Variants in WDR72 observed in about 807,000 individuals in gnomAD.
WDR72 encodes the protein WD repeat domain 72, also known as WD repeat-containing protein 72.
In WDR72, 120 loss-of-function variants were observed where a neutral mutation model predicts 124.2. That is an observed-to-expected ratio of 0.97 (90% CI 0.83 to 1.12). WDR72 has a LOEUF of 1.12. Among genes scored for constraint, WDR72 ranks in the 50% most tolerant of loss-of-function variants. WDR72 has a pLI of 0.00. For missense variants in WDR72, 1,387 were observed against 1,278.8 expected, an observed-to-expected ratio of 1.08 and a Z score of -1.29; for synonymous variants, 452 against 441.7, an observed-to-expected ratio of 1.02 and a Z score of -0.29.
At chr15:53,571,826 T>C (rs904043882) in intron 18 of WDR72, among the ~76,000 whole-genome samples, 5 of 151,952 alleles carry the variant, frequency 3.3e-5, no homozygotes, top group Admixed American at 3.3e-4. Flanking sequence ...TGTACTAATA[T>C]AGATTCTCAC....
chr15:53,518,391 G>A (rs1387613573), intron 19 of WDR72, among the ~76,000 whole-genome samples: 1 of 151,910 alleles, frequency 6.6e-6, no homozygotes, highest in Admixed American at 6.6e-5. Flanking sequence ...AAAAACTATG[G>A]TTTAGTTAAA....
chr15:53,677,689 C>A (rs1376841440), intron 13 of WDR72, among the ~76,000 whole-genome samples: 1 of 152,102 alleles, frequency 6.6e-6, no homozygotes, highest in Admixed American at 6.5e-5. Flanking sequence ...GATTGTGAGG[C>A]CTCCCCAGAC....
At chr15:53,643,685 C>T (rs565513756) in intron 14 of WDR72, among the ~76,000 whole-genome samples, 1 of 152,062 alleles carries the variant, frequency 6.6e-6, no homozygotes, top group African/African-American at 2.4e-5. Flanking sequence ...TCAGAATAAT[C>T]CCAGATATTG....
intron 1 of WDR72, among the ~76,000 whole-genome samples, chr15:53,755,237 C>G (rs187415341): frequency 9.9e-4 from 150 of 152,240 alleles, no homozygotes; most frequent in Admixed American, 3.5e-3. Context: ...AATTGGAAAT[C>G]AAAATGCATA....
At chr15:53,575,861 T>C (rs1000456076) in intron 18 of WDR72, among the ~76,000 whole-genome samples, 3 of 152,140 alleles carry the variant, frequency 2.0e-5, no homozygotes, top group East Asian at 3.9e-4. Context: ...ATGCAATCAC[T>C]TAGCTCATCA....
intron 1 of WDR72, among the ~76,000 whole-genome samples, chr15:53,757,701 A>G (rs2018947681): frequency 6.6e-6 from 1 of 152,054 alleles, no homozygotes; most frequent in Non-Finnish European, 1.5e-5. Flanking sequence ...TGTGAGCAAC[A>G]TTATTACTAA....
At chr15:53,557,846 T>C (rs2140289227) in intron 18 of WDR72, among the ~76,000 whole-genome samples, 1 of 152,166 alleles carries the variant, frequency 6.6e-6, no homozygotes, top group Admixed American at 6.6e-5. Flanking sequence ...TACTAGGTTT[T>C]AGAAAAAAAC....
At chr15:53,601,949 A>T (rs2013062959) in intron 17 of WDR72, among the ~76,000 whole-genome samples, 1 of 152,186 alleles carries the variant, frequency 6.6e-6, no homozygotes, top group African/African-American at 2.4e-5. Context: ...ACAGAACATT[A>T]ACAAAGCTAT....
chr15:53,614,690 G>C (rs1373418023), intron 15 of WDR72, among the ~76,000 whole-genome samples: 3 of 151,900 alleles, frequency 2.0e-5, no homozygotes, highest in East Asian at 3.9e-4. Context: ...CTGCTCTGTG[G>C]GATCATGATT....
At chr15:53,549,699 C>A (rs902098804) in intron 18 of WDR72, among the ~76,000 whole-genome samples, 1 of 151,970 alleles carries the variant, frequency 6.6e-6, no homozygotes, top group African/African-American at 2.4e-5. Context: ...AAGGGTTATA[C>A]CTAAGGTCAC....
At chr15:53,529,164 A>AT (rs1221581823) in intron 18 of WDR72, among the ~76,000 whole-genome samples, 150 of 78,150 alleles carry the variant, frequency 1.9e-3, no homozygotes, top group East Asian at 3.7e-3. Context: ...ATATATATAT[A>AT]TTTTTTTTTT....
chr15:53,588,795 T>C (rs576698015), intron 18 of WDR72, among the ~76,000 whole-genome samples: 2 of 152,062 alleles, frequency 1.3e-5, no homozygotes, highest in South Asian at 4.1e-4. Context: ...GCTGACAGAA[T>C]TGCATTTGAT....
chr15:53,666,349 T>C (rs1595831892), intron 13 of WDR72, among the ~76,000 whole-genome samples: 1 of 152,126 alleles, frequency 6.6e-6, no homozygotes, highest in African/African-American at 2.4e-5. Flanking sequence ...GGGAAAAAAA[T>C]CCTTTGCCTC....
At chr15:53,634,160 A>G (rs892430338) in intron 14 of WDR72, among the ~76,000 whole-genome samples, 2 of 152,234 alleles carry the variant, frequency 1.3e-5, no homozygotes, top group African/African-American at 2.4e-5. Flanking sequence ...CCCTCTTACA[A>G]TTAAAATAAC....
intron 13 of WDR72, among the ~76,000 whole-genome samples, chr15:53,666,614 G>T (rs2140452932): frequency 6.6e-6 from 1 of 152,020 alleles, no homozygotes; most frequent in African/African-American, 2.4e-5. Context: ...AGACACCAAG[G>T]AATACTAATT....
chr15:53,571,384 C>A (rs1271494528), intron 18 of WDR72, among the ~76,000 whole-genome samples: 3 of 152,060 alleles, frequency 2.0e-5, no homozygotes, highest in Non-Finnish European at 4.4e-5. Flanking sequence ...CCAACCCCTG[C>A]CTCCAGCTCC....
intron 18 of WDR72, among the ~76,000 whole-genome samples, chr15:53,523,593 C>G (rs1347430737): frequency 2.0e-5 from 3 of 152,046 alleles, no homozygotes; most frequent in African/African-American, 7.2e-5. Context: ...AAAGTGATCT[C>G]TTCGAAGTAG....
At chr15:53,566,131 T>C (rs1026949060) in intron 18 of WDR72, among the ~76,000 whole-genome samples, 3 of 151,998 alleles carry the variant, frequency 2.0e-5, no homozygotes, top group Non-Finnish European at 4.4e-5. Flanking sequence ...CACTGCATTA[T>C]CACATTTATT....
At chr15:53,539,725 A>C (rs1793466080) in intron 18 of WDR72, among the ~76,000 whole-genome samples, 1 of 152,112 alleles carries the variant, frequency 6.6e-6, no homozygotes, top group Non-Finnish European at 1.5e-5. Context: ...GAGGAAAATA[A>C]AATGAAATAG....
Sources: allele counts gnomAD v4.1 joint callset (sites outside exome capture counted in the v4.1 genomes callset), GRCh38; gene constraint gnomAD v4.1.1; transcripts MANE v1.5; gene names NCBI Gene and HGNC (gene_info 2026-07-23, HGNC 2026-07-21).